UMAD1: variants seen among roughly 807,000 people sequenced by gnomAD.
UMAD1 encodes UBAP1-MVB12-associated (UMA) domain containing 1.
UMAD1 carries 8 observed loss-of-function variants against 6.1 expected under a neutral mutation model. The ratio of observed to expected loss-of-function variants is 1.30; its 90% CI spans 0.76 to 2.35. UMAD1 has a LOEUF of 2.35. Ranked by LOEUF, UMAD1 falls within the 30% of genes most tolerant of loss-of-function variation. UMAD1 has a pLI of 0.00. For synonymous variants in UMAD1, 56 were observed against 31.4 expected (o/e 1.78, Z -2.61); for missense variants, 130 against 78.4 (o/e 1.66, Z -2.49).
In UMAD1 at chr7:7,722,349, A is replaced by G. The variant is rs570858863; in HGVS notation, c.82+48896A>G. Among the ~76,000 whole-genome samples the G allele has an allele frequency of 8.5e-5, 13 of 152,188 alleles. 1 individual carries two copies. The South Asian group carries it at 2.7e-3, about 32-fold the overall frequency. On this transcript the variant is annotated intron_variant, in intron 2 of 3. Transcript: ENST00000682710. ...GGGATTCTGGAGTTGGCTGCTTAAT[A>G]TGATTAGACCCAATAATGCGAAGGA... is the stretch of plus-strand genomic sequence containing the variant.
rs1779588000 is a variant in UMAD1 at position 7,670,821 on chromosome 7, A to G, written c.-63-2488A>G. 2.0e-5 allele frequency among the ~76,000 whole-genome samples: 3 copies of G among 152,352 alleles called. No homozygotes were observed. The South Asian group carries it at 6.2e-4, about 32-fold the overall frequency. ...AGGCGAACAAAGGGAGAGAGAGAACAGTCAAAAGTTGTAGCAATTCTGCAA... is the reference window on the plus strand; with the variant it reads ...AGGCGAACAAAGGGAGAGAGAGAACGGTCAAAAGTTGTAGCAATTCTGCAA... On this transcript the variant is annotated intron_variant, in intron 1 of 3. Coordinates refer to ENST00000682710, the MANE Select transcript of UMAD1 (RefSeq NM_001302348.2).
chr7:7,874,231 A>AT lies in UMAD1; in HGVS notation c.157-3046dup, dbSNP rs1304672960. On this transcript the variant is annotated intron_variant, in intron 3 of 3. Coordinates refer to ENST00000682710, the MANE Select transcript of UMAD1 (RefSeq NM_001302348.2). ...CTTAAAGTCTATCCAAAATCCAACC[A>AT]TTTTATCTCACCTTTGCTATCCCTG... Among the ~76,000 whole-genome samples the AT allele has an allele frequency of 4.6e-5, 7 of 152,208 alleles. No homozygotes were observed. The South Asian group carries it at 1.5e-3, about 32-fold the overall frequency.
chr7:7,830,494 T>G lies in UMAD1; in HGVS notation c.156+28751T>G, dbSNP rs1783442094. Among the ~76,000 whole-genome samples the G allele has an allele frequency of 6.6e-6, 1 of 152,130 alleles. No homozygotes were observed. The highest frequency in any genetic ancestry group is 1.5e-5 in the Non-Finnish European group (1 of 68,022). ...GTTTCTCTCTTTTGTATCTTTCTCT[T>G]TCTTTTCCCTTTTTCGTTTCTTTTC... On this transcript the variant is annotated intron_variant, in intron 3 of 3. Transcript: ENST00000682710. The surrounding 1 kb of genome is among the most constrained non-coding windows in gnomAD (Gnocchi z 5.3).
Position 7,878,294 on chromosome 7 carries a change from A to G in UMAD1, c.*756A>G, listed in dbSNP as rs1433892730. ...TTGCCATTTGCTCTCCTTACCACAT[A>G]TGTTCCCAGTTTATGAAGAGATCCA... is the stretch of plus-strand genomic sequence containing the variant. On this transcript the variant is annotated 3_prime_UTR_variant, in exon 4 of 4. Coordinates refer to ENST00000682710, the MANE Select transcript of UMAD1 (RefSeq NM_001302348.2). 1.3e-5 allele frequency: 2 copies of G among 152,156 alleles called. No homozygotes were observed. Among genetic ancestry groups the G allele is most frequent in the African/African-American group, 4.8e-5 (2 of 41,412 alleles). The allele number at this position is 152,156 out of a possible 1,614,324, so 9.4% of individuals were successfully genotyped here. A position where few individuals can be genotyped will look rare whatever the true frequency, so the allele number is the denominator to read the frequency against.
At chr7:7,677,639 T>C (rs962524441) in intron 2 of UMAD1, among the ~76,000 whole-genome samples, 7 of 151,818 alleles carry the variant, frequency 4.6e-5, no homozygotes, top group Admixed American at 4.6e-4. Flanking sequence ...TACCACATTT[T>C]CTTTATCTAT....
Position 7,879,104 on chromosome 7 carries a change from A to G in UMAD1, c.*1566A>G, listed in dbSNP as rs1031998876. ...TCGAAAATACCTAAACATTTCATCT[A>G]TATTTGTGCCTACCATGTTATAAAT... On this transcript the variant is annotated 3_prime_UTR_variant, in exon 4 of 4. Transcript: ENST00000682710. 3 of 152,200 alleles carry G rather than the reference A, an allele frequency of 2.0e-5. No individual in the cohort carries two copies. Among genetic ancestry groups the G allele is most frequent in the African/African-American group, 7.2e-5 (3 of 41,460 alleles). The allele number at this position is 152,200 out of a possible 1,614,324, so 9.4% of individuals were successfully genotyped here.
intron 2 of UMAD1, among the ~76,000 whole-genome samples, chr7:7,724,491 C>G (rs534620934): frequency 6.6e-6 from 1 of 152,252 alleles, no homozygotes; most frequent in Non-Finnish European, 1.5e-5. Context: ...ATTAGAGATG[C>G]CTCTACCTAG....
intron 2 of UMAD1, among the ~76,000 whole-genome samples, chr7:7,741,614 TAAA>T (rs1283992407): frequency 4.8e-5 from 7 of 147,104 alleles, no homozygotes; most frequent in Non-Finnish European, 9.0e-5. Flanking sequence ...ATAATAATAA[TAAA>T]AATAATAAAA....
intron 3 of UMAD1, among the ~76,000 whole-genome samples, chr7:7,804,983 GAAAACAAAACAAAACAAAAC>G (rs59013853): frequency 4.6e-5 from 7 of 151,478 alleles, no homozygotes; most frequent in Non-Finnish European, 8.8e-5. Context: ...TCCTTCTCAA[GAAAACAAAACAAAACAAAAC>G]AAAACAAAAC....
intron 2 of UMAD1, among the ~76,000 whole-genome samples, chr7:7,732,397 A>G (rs1165976156): frequency 2.2e-4 from 33 of 152,190 alleles, no homozygotes. Context: ...GGGATAAATA[A>G]TAAAGTTTCT....
chr7:7,746,167 T>C lies in UMAD1; in HGVS notation c.83-55503T>C, dbSNP rs1426993254. ...TGGTTTGCATGCACCGTAGAGTTTG[T>C]ACTGTTTCCTTCTTTGGTGCACTGT... On this transcript the variant is annotated intron_variant, in intron 2 of 3. Transcript: ENST00000682710. Among the ~76,000 whole-genome samples the C allele has an allele frequency of 2.0e-5, 3 of 152,374 alleles. No individual in the cohort carries two copies. In the East Asian group the frequency reaches 5.8e-4, roughly 29 times the overall value.
chr7:7,704,894 G>T (rs984566325), intron 2 of UMAD1, among the ~76,000 whole-genome samples: 1 of 149,610 alleles, frequency 6.7e-6, no homozygotes, highest in African/African-American at 2.5e-5. Flanking sequence ...TTTGGGTAAA[G>T]TAAAATAGGC....
At chr7:7,648,883 G>A (rs1785156721) in intron 1 of UMAD1, among the ~76,000 whole-genome samples, 1 of 151,680 alleles carries the variant, frequency 6.6e-6, no homozygotes, top group Non-Finnish European at 1.5e-5. Flanking sequence ...AAAAGGCCGG[G>A]CGCGGTCGCT....
chr7:7,816,539 A>G (rs1783130269), intron 3 of UMAD1, among the ~76,000 whole-genome samples: 1 of 152,222 alleles, frequency 6.6e-6, no homozygotes, highest in Non-Finnish European at 1.5e-5. Context: ...GATATATGCC[A>G]CCAGTGTCGG....
At chr7:7,735,325 G>A (rs1382511431) in intron 2 of UMAD1, among the ~76,000 whole-genome samples, 1 of 152,042 alleles carries the variant, frequency 6.6e-6, no homozygotes, top group African/African-American at 2.4e-5. Context: ...ATACTCTAAA[G>A]ACTTCTGCAG....
intron 1 of UMAD1, among the ~76,000 whole-genome samples, chr7:7,656,252 G>GA (rs1221358380): frequency 1.3e-5 from 2 of 151,852 alleles, no homozygotes; most frequent in Non-Finnish European, 2.9e-5. Flanking sequence ...AGTTGAAGGA[G>GA]AAAAAAGAAC....
intron 3 of UMAD1, among the ~76,000 whole-genome samples, chr7:7,836,225 G>A (rs2042546): frequency 0.49 from 74,148 of 151,704 alleles, 18,370 homozygotes; most frequent in East Asian, 0.57. Context: ...AGTGGTAAAC[G>A]TGTTTACATA....
intron 2 of UMAD1, among the ~76,000 whole-genome samples, chr7:7,706,844 G>C (rs543298424): frequency 1.3e-5 from 2 of 152,248 alleles, no homozygotes; most frequent in African/African-American, 4.8e-5. Context: ...TTTTTGGATA[G>C]AGCATCTTGA....
chr7:7,729,824 A>T (rs909510792), intron 2 of UMAD1, among the ~76,000 whole-genome samples: 1 of 152,138 alleles, frequency 6.6e-6, no homozygotes, highest in African/African-American at 2.4e-5. Flanking sequence ...CTACCTTGAA[A>T]AACGTAAATT....
Sources: allele counts gnomAD v4.1 joint callset (sites outside exome capture counted in the v4.1 genomes callset), GRCh38; gene constraint gnomAD v4.1.1; non-coding constraint Gnocchi (gnomAD v3.1); transcripts MANE v1.5; gene names NCBI Gene and HGNC (gene_info 2026-07-23, HGNC 2026-07-21).